The following MMP16 variants were observed in gnomAD, a reference collection of about 807,000 sequenced individuals.
MMP16 encodes the protein matrix metalloproteinase-16.
MMP16 carries 12 observed loss-of-function variants against 67.8 expected under a neutral mutation model. That is an observed-to-expected ratio of 0.18 (90% CI 0.11 to 0.29). MMP16 has a LOEUF of 0.29. Among genes scored for constraint, MMP16 ranks in the 10% least tolerant of loss-of-function variants. The pLI is 1.00. For synonymous variants in MMP16, 249 were observed against 255.9 expected (o/e 0.97, Z 0.26); for missense variants, 475 against 765.7 (o/e 0.62, Z 4.48).
chr8:88,087,893 G>A (rs189300797), intron 6 of MMP16, among the ~76,000 whole-genome samples: 23 of 151,426 alleles, frequency 1.5e-4, no homozygotes, highest in Admixed American at 7.9e-4. Flanking sequence ...GCAGTGAGCC[G>A]TGATTGTGGT....
Position 88,285,982 on chromosome 8 carries a change from C to T in MMP16, c.132+41093G>A, listed in dbSNP as rs1387025261. Among the ~76,000 whole-genome samples the T allele has an allele frequency of 2.0e-5, 3 of 152,162 alleles. No homozygotes were observed. The South Asian group carries it at 6.2e-4, about 32-fold the overall frequency. ...ATATCCCATGGTACTTTCTCACTAA[C>T]CTCTTACTCCTAACCCACTCCATTT... On this transcript the variant is annotated intron_variant, in intron 1 of 9. Transcript: ENST00000286614.
intron 6 of MMP16, among the ~76,000 whole-genome samples, chr8:88,080,917 C>T (rs1808738966): frequency 6.6e-6 from 1 of 152,102 alleles, no homozygotes; most frequent in Non-Finnish European, 1.5e-5. Context: ...GCTTAAAAGG[C>T]AGAGAAAGAA....
intron 4 of MMP16, among the ~76,000 whole-genome samples, chr8:88,157,451 G>T (rs1376551887): frequency 2.0e-5 from 3 of 151,596 alleles, no homozygotes; most frequent in Middle Eastern, 3.4e-3. Context: ...AGATACCAGG[G>T]GATGGCATAT....
intron 6 of MMP16, among the ~76,000 whole-genome samples, chr8:88,089,956 T>C (rs1383881158): frequency 6.6e-6 from 1 of 152,028 alleles, no homozygotes; most frequent in East Asian, 1.9e-4. Context: ...CAATCACATG[T>C]ATATTATGTT....
At chr8:88,121,069 C>G (rs1175410523) in intron 4 of MMP16, among the ~76,000 whole-genome samples, 1 of 138,032 alleles carries the variant, frequency 7.2e-6, no homozygotes, top group Non-Finnish European at 1.5e-5. Context: ...CTCTTGCTCT[C>G]AGTTTTTTTT....
chr8:88,175,317 CAGGG>C lies in MMP16; in HGVS notation c.405-7348_405-7345del, dbSNP rs199658476. 5.5e-4 allele frequency among the ~76,000 whole-genome samples: 84 copies of C among 152,276 alleles called. 1 individual carries two copies. The East Asian group carries it at 0.016, about 28-fold the overall frequency. The stretch of plus-strand genomic sequence containing the variant: ...ACCCCAATTCCTGTCTGCATATTGT[CAGGG>C]TACAGTTCAGCTATCCTTTTCAGGA... On this transcript the variant is annotated intron_variant, in intron 3 of 9. Coordinates refer to ENST00000286614, the MANE Select transcript of MMP16 (RefSeq NM_005941.5).
intron 1 of MMP16, among the ~76,000 whole-genome samples, chr8:88,268,200 G>T (rs1810508571): frequency 6.6e-6 from 1 of 152,088 alleles, no homozygotes; most frequent in Non-Finnish European, 1.5e-5. Flanking sequence ...AAAGTAGCTG[G>T]GCGTGGTGGC....
chr8:88,101,186 A>C (rs535924276), intron 6 of MMP16, among the ~76,000 whole-genome samples: 7 of 152,046 alleles, frequency 4.6e-5, no homozygotes, highest in Non-Finnish European at 8.8e-5. Flanking sequence ...ACTCAGGCTC[A>C]ACAGTGGAGT....
chr8:88,169,285 C>T (rs1014229925), intron 3 of MMP16, among the ~76,000 whole-genome samples: 49 of 152,090 alleles, frequency 3.2e-4, no homozygotes, highest in Non-Finnish European at 6.3e-4. Flanking sequence ...TCTGTCAATA[C>T]AATTATAAAC....
chr8:88,248,412 T>C (rs28904598), intron 1 of MMP16, among the ~76,000 whole-genome samples: 19,377 of 152,018 alleles, frequency 0.13, 2,689 homozygotes, highest in African/African-American at 0.35. Flanking sequence ...ACAATGTAGA[T>C]TGTGAAATGT....
At chr8:88,081,408 T>A (rs1014289092) in intron 6 of MMP16, among the ~76,000 whole-genome samples, 6 of 152,154 alleles carry the variant, frequency 3.9e-5, no homozygotes, top group African/African-American at 1.4e-4. Flanking sequence ...AATAACACCC[T>A]ATGTTAGACT....
intron 1 of MMP16, among the ~76,000 whole-genome samples, chr8:88,199,397 T>A (rs1012116902): frequency 2.6e-5 from 4 of 152,054 alleles, no homozygotes; most frequent in Admixed American, 6.5e-5. Context: ...GGGAGTTCTT[T>A]CTGAATGACT....
chr8:88,157,914 A>C (rs1476852940), intron 4 of MMP16, among the ~76,000 whole-genome samples: 1 of 151,620 alleles, frequency 6.6e-6, no homozygotes, highest in East Asian at 2.0e-4. Context: ...AAGTGAGAAC[A>C]TGCAGTGTTT....
chr8:88,101,324 A>T (rs1451867713), intron 6 of MMP16, among the ~76,000 whole-genome samples: 1 of 151,808 alleles, frequency 6.6e-6, no homozygotes, highest in East Asian at 2.0e-4. Context: ...ATACATCAGA[A>T]ACTACATTCC....
At chr8:88,108,983 G>A (rs1809288813) in intron 6 of MMP16, among the ~76,000 whole-genome samples, 1 of 151,200 alleles carries the variant, frequency 6.6e-6, no homozygotes, top group Admixed American at 6.6e-5. Context: ...TGATTATGAA[G>A]TGCTAATTGT....
At chr8:88,156,050 T>C (rs568589488) in intron 4 of MMP16, among the ~76,000 whole-genome samples, 19 of 152,134 alleles carry the variant, frequency 1.2e-4, no homozygotes, top group African/African-American at 4.6e-4. Context: ...CAAAATTAAT[T>C]TAGAATTGTG....
At chr8:88,171,791 T>C (rs1485884339) in intron 3 of MMP16, among the ~76,000 whole-genome samples, 3 of 152,148 alleles carry the variant, frequency 2.0e-5, no homozygotes, top group African/African-American at 7.2e-5. Context: ...CTTATTGCTC[T>C]TATTTAAATA....
At chr8:88,207,043 C>A (rs1021320546) in intron 1 of MMP16, among the ~76,000 whole-genome samples, 9 of 151,936 alleles carry the variant, frequency 5.9e-5, no homozygotes, top group Non-Finnish European at 1.5e-5. Flanking sequence ...ATAGATGAAC[C>A]ATATATCCTG....
intron 1 of MMP16, among the ~76,000 whole-genome samples, chr8:88,315,262 C>T (rs1038767644): frequency 6.6e-6 from 1 of 152,182 alleles, no homozygotes; most frequent in African/African-American, 2.4e-5. Context: ...CTTCACATCT[C>T]TGTGTCACAT....
Sources: gnomAD v4.1 joint callset for allele counts (sites outside exome capture counted in the v4.1 genomes callset) on GRCh38, gnomAD v4.1.1 for gene constraint, MANE v1.5 for transcripts, NCBI Gene and HGNC (gene_info 2026-07-23, HGNC 2026-07-21) for gene names.